The following LRP8 variants were observed in gnomAD, a reference collection of about 807,000 sequenced individuals.
LRP8 encodes low-density lipoprotein receptor-related protein 8.
A neutral mutation model predicts 111.6 loss-of-function variants in LRP8; 46 were observed. The observed-to-expected ratio is 0.41, with a 90% confidence interval of 0.33 to 0.53. The LOEUF is 0.53. Among genes scored for constraint, LRP8 ranks in the 20% least tolerant of loss-of-function variants. The pLI is 0.20. For missense variants in LRP8, 959 were observed against 1,297.4 expected (o/e 0.74, Z 4.01); for synonymous variants, 464 against 511.2 (o/e 0.91, Z 1.24).
In LRP8 at chr1:53,266,650, G is replaced by T; in HGVS notation, c.1253-3C>A. Reference sequence around the variant, plus strand: ...GATTAGGGATGGGCTCTTGCCAGCTGTCATGCAGGGAGGTTGAAAGAGAAA... The same window carrying T: ...GATTAGGGATGGGCTCTTGCCAGCTTTCATGCAGGGAGGTTGAAAGAGAAA... On this transcript the variant is annotated splice_polypyrimidine_tract_variant and splice_region_variant and intron_variant, in intron 8 of 18. Coordinates refer to ENST00000306052, the MANE Select transcript of LRP8 (RefSeq NM_004631.5). The surrounding 1 kb of genome is among the most constrained non-coding windows in gnomAD (Gnocchi z 5.0). 1 of 1,613,758 alleles carries T rather than the reference G, an allele frequency of 6.2e-7. No homozygotes were observed. The highest frequency in any genetic ancestry group is 8.5e-7 in the Non-Finnish European group (1 of 1,179,816).
chr1:53,309,949 C>T (rs899399275), intron 2 of LRP8, among the ~76,000 whole-genome samples: 44 of 152,204 alleles, frequency 2.9e-4, no homozygotes, highest in African/African-American at 1.0e-3. Flanking sequence ...CCCACCTACC[C>T]CGACGCTTCA....
chr1:53,260,387 C>T (rs1359954033), intron 13 of LRP8, 77 bp downstream of exon 13: 4 of 1,452,554 alleles, frequency 2.8e-6, no homozygotes, highest in Non-Finnish European at 3.8e-6. Context: ...TGAATGTGAA[C>T]ACAGCCTGCC....
intron 2 of LRP8, chr1:53,291,847 G>A (rs1323087892): frequency 6.6e-6 from 1 of 152,238 alleles, no homozygotes; most frequent in African/African-American, 2.4e-5. Context: ...CCTGTGGCCT[G>A]TATTTTGATG....
intron 2 of LRP8, among the ~76,000 whole-genome samples, chr1:53,320,101 G>A (rs1034885049): frequency 2.0e-5 from 3 of 152,262 alleles, no homozygotes; most frequent in Non-Finnish European, 4.4e-5. Context: ...GGCTGAAGGA[G>A]GTCTTGCATG....
At chr1:53,323,672 T>C (rs72895398) in intron 2 of LRP8, among the ~76,000 whole-genome samples, 5 of 152,334 alleles carry the variant, frequency 3.3e-5, no homozygotes, top group African/African-American at 1.2e-4. Context: ...GCAAGCTCCA[T>C]CTGTGTCTCC....
intron 16 of LRP8, among the ~76,000 whole-genome samples, chr1:53,254,213 TG>T (rs1645994538): frequency 6.6e-6 from 1 of 151,788 alleles, no homozygotes; most frequent in Admixed American, 6.6e-5. Flanking sequence ...GTCATCAGGG[TG>T]GAAGAGAATG....
intron 2 of LRP8, among the ~76,000 whole-genome samples, chr1:53,295,286 T>A (rs1006930701): frequency 1.3e-5 from 2 of 152,200 alleles, no homozygotes; most frequent in Middle Eastern, 6.8e-3. Context: ...ATAATGGGGC[T>A]TAGGGGCATG....
intron 15 of LRP8, among the ~76,000 whole-genome samples, chr1:53,256,371 T>TA (rs1646088200): frequency 6.6e-6 from 1 of 152,228 alleles, no homozygotes. Context: ...ACAGTGATAT[T>TA]AAAACCTAGA....
At chr1:53,289,735 AG>A (rs1472209613) in intron 2 of LRP8, 46 bp from the exon 3 acceptor site, 22 of 1,608,114 alleles carry the variant, frequency 1.4e-5, no homozygotes, top group Non-Finnish European at 1.9e-5. Flanking sequence ...AGCAGTCAGG[AG>A]GGTGGTGGGC....
chr1:53,281,228 C>T (rs563207730), intron 3 of LRP8, among the ~76,000 whole-genome samples: 80 of 152,340 alleles, frequency 5.3e-4, no homozygotes, highest in African/African-American at 1.7e-3. Context: ...GCCCCCTCCC[C>T]GAGTGATGGT....
At chr1:53,277,180 A>G in intron 4 of LRP8, 102 bp from the exon 5 acceptor site, 1 of 1,335,756 alleles carries the variant, frequency 7.5e-7, no homozygotes, top group Non-Finnish European at 9.6e-7. Flanking sequence ...CCCGGGGGCC[A>G]GAACAAGTGC....
chr1:53,261,861 G>T (rs971036735), intron 12 of LRP8, among the ~76,000 whole-genome samples: 1 of 152,230 alleles, frequency 6.6e-6, no homozygotes. Flanking sequence ...GGGGTCTTGG[G>T]AAGAGAGCGT....
chr1:53,286,098 G>A (rs1207991574), intron 3 of LRP8, among the ~76,000 whole-genome samples: 1 of 152,228 alleles, frequency 6.6e-6, no homozygotes, highest in Non-Finnish European at 1.5e-5. Context: ...CGCATCTACA[G>A]TGTCAACCCA....
intron 2 of LRP8, among the ~76,000 whole-genome samples, chr1:53,292,316 A>G (rs1648930696): frequency 1.3e-5 from 2 of 152,196 alleles, no homozygotes; most frequent in South Asian, 4.1e-4. Context: ...GAGGAATCAG[A>G]GTCCACCTTC....
chr1:53,322,560 G>C (rs933645886), intron 2 of LRP8, among the ~76,000 whole-genome samples: 1 of 152,150 alleles, frequency 6.6e-6, no homozygotes, highest in Non-Finnish European at 1.5e-5. Flanking sequence ...CAGGGAAGTG[G>C]GTAACAGGAG....
At position 53,249,120 on chromosome 1, in the gene LRP8, G is replaced by T. The variant is rs1645815932; in HGVS notation, c.2853+260C>A. On this transcript the variant is annotated intron_variant, in intron 18 of 18. Transcript: ENST00000306052. The surrounding 1 kb of genome is among the most constrained non-coding windows in gnomAD (Gnocchi z 4.1). ...GGCCATCTGCTAACCCTCCTCATTT[G>T]CTCCATCTCATTTCCCATGTCTCCC... 6.6e-6 allele frequency among the ~76,000 whole-genome samples: 1 copy of T among 152,160 alleles called. No homozygotes were observed. The highest frequency in any genetic ancestry group is 1.5e-5 in the Non-Finnish European group (1 of 68,026).
In LRP8 at chr1:53,291,544, C is replaced by T. The variant is rs146736994; in HGVS notation, c.245-1855G>A. ...TTTAGTCTGAAAGCCCCTTCCCCCA[C>T]CTCTCACCTTCTTTCCATTACACAC... On this transcript the variant is annotated intron_variant, in intron 2 of 18. Transcript: ENST00000306052. 4.3e-3 allele frequency among the ~76,000 whole-genome samples: 657 copies of T among 152,320 alleles called. 6 individuals are homozygous for T. The highest frequency in any genetic ancestry group is 0.015 in the African/African-American group (631 of 41,570).
At chr1:53,319,327 G>A (rs566512726) in intron 2 of LRP8, among the ~76,000 whole-genome samples, 164 of 152,258 alleles carry the variant, frequency 1.1e-3, no homozygotes, top group Non-Finnish European at 1.8e-3. Context: ...GACCACTCCC[G>A]TGGACTCCTA....
chr1:53,262,158 C>T lies in LRP8; in HGVS notation c.1824G>A (p.Leu608=). ...LYWVDSKLHQ[L]SSIDFSGGNR... ...TGCCTCCACTGAAGTCAATGCTGGA[C>T]AGTTGGTGTAGCTTGGAGTCTACCC... Residue 608 remains leucine (L), a synonymous_variant, in exon 12 of 19, where the codon CTG becomes CTA. Transcript: ENST00000306052. This position sits in a 1 kb window ranked among gnomAD's most constrained non-coding sequence, Gnocchi z 4.8. 1.2e-6 allele frequency: 2 copies of T among 1,614,052 alleles called. No homozygotes were observed. The highest frequency in any genetic ancestry group is 1.7e-6 in the Non-Finnish European group (2 of 1,180,040).
Sources: gnomAD v4.1 joint callset for allele counts (sites outside exome capture counted in the v4.1 genomes callset) on GRCh38, gnomAD v4.1.1 for gene constraint, Gnocchi (gnomAD v3.1) non-coding constraint, MANE v1.5 for transcripts, NCBI Gene and HGNC (gene_info 2026-07-23, HGNC 2026-07-21) for gene names.